Variants in ANKRD18B observed in about 807,000 individuals in gnomAD.
ANKRD18B encodes ankyrin repeat domain 18B.
In ANKRD18B, 75 loss-of-function variants were observed where a neutral mutation model predicts 111.8. The observed-to-expected ratio is 0.67, with a 90% confidence interval of 0.56 to 0.81. The LOEUF (loss-of-function observed/expected upper bound fraction) is 0.81, where lower values mean the gene tolerates loss of function less well. ANKRD18B is among the 40% of genes least tolerant of loss of function. ANKRD18B has a pLI of 0.00. For synonymous variants in ANKRD18B, 356 were observed against 417.3 expected (o/e 0.85, Z 1.79); for missense variants, 1,038 against 1,225.5 (o/e 0.85, Z 2.28).
At chr9:33,534,787 A>G (rs1268277669) in intron 5 of ANKRD18B, among the ~76,000 whole-genome samples, 5 of 151,850 alleles carry the variant, frequency 3.3e-5, no homozygotes, top group Admixed American at 6.6e-5. Flanking sequence ...TATGAGATAG[A>G]AATAATGTCA....
At chr9:33,564,153 T>C (rs1346084070) in intron 14 of ANKRD18B, among the ~76,000 whole-genome samples, 1 of 152,164 alleles carries the variant, frequency 6.6e-6, no homozygotes, top group African/African-American at 2.4e-5. Flanking sequence ...TGTAGAGATG[T>C]CTTTCTATGT....
At chr9:33,561,044 T>C (rs1433253719) in intron 14 of ANKRD18B, among the ~76,000 whole-genome samples, 1 of 152,194 alleles carries the variant, frequency 6.6e-6, no homozygotes, top group African/African-American at 2.4e-5. Context: ...TTTTGTGGAG[T>C]ATATACTTAT....
At chr9:33,551,565 G>A (rs1442848264) in intron 12 of ANKRD18B, among the ~76,000 whole-genome samples, 1 of 151,972 alleles carries the variant, frequency 6.6e-6, no homozygotes, top group Non-Finnish European at 1.5e-5. Flanking sequence ...TTTTATCCAT[G>A]TTGTAGCACA....
intron 9 of ANKRD18B, 124 bp from the exon 10 acceptor site, chr9:33,543,061 A>G: frequency 1.0e-6 from 1 of 964,860 alleles, no homozygotes; most frequent in South Asian, 1.6e-5. Flanking sequence ...ATTCCAGTAA[A>G]CATTAAGCTT....
intron 5 of ANKRD18B, among the ~76,000 whole-genome samples, chr9:33,536,062 C>T (rs1410004313): frequency 6.6e-6 from 1 of 151,890 alleles, no homozygotes; most frequent in Non-Finnish European, 1.5e-5. Context: ...AAAGGTGCAG[C>T]CTCTAACACA....
intron 3 of ANKRD18B, among the ~76,000 whole-genome samples, chr9:33,531,313 A>C (rs1828113164): frequency 6.6e-6 from 1 of 152,166 alleles, no homozygotes; most frequent in East Asian, 1.9e-4. Context: ...ACGATACTAG[A>C]CAGAGAAAAA....
At position 33,536,903 on chromosome 9, in the gene ANKRD18B, A is replaced by G. The variant is rs1828209590; in HGVS notation, c.766A>G (p.Lys256Glu). 2 of 1,499,188 alleles carry G rather than the reference A, an allele frequency of 1.3e-6. No homozygotes were observed. The highest frequency in any genetic ancestry group is 5.1e-5 in the East Asian group (2 of 38,956). The allele number at this position is 1,499,188 out of a possible 1,614,324, so 92.9% of individuals were successfully genotyped here. Residue 256 changes from lysine to glutamate, a missense_variant, in exon 6 of 19, where the codon AAA (lysine) becomes GAA (glutamate). This residue lies in a region of ANKRD18B where 93 missense variants were observed against 141.3 expected (regional missense o/e 0.66). Coordinates refer to ENST00000684830, the MANE Select transcript of ANKRD18B (RefSeq NM_001393611.1). Reference sequence around the variant, plus strand: ...CATCCAACAACAAATTTTGGAACATAAAAATAAGATGCTTAAAAATCATCT... The same window carrying G: ...CATCCAACAACAAATTTTGGAACATGAAAATAAGATGCTTAAAAATCATCT... ...RSIQQQILEHKNKMLKNHLRN... is the reference protein window; with the variant it reads ...RSIQQQILEHENKMLKNHLRN...
rs1283928884 is a variant in ANKRD18B at position 33,555,907 on chromosome 9, C to T, written c.2330+87C>T. 5.0e-6 allele frequency: 4 copies of T among 806,140 alleles called. No homozygotes were observed. The Admixed American group carries it at 1.7e-4, about 34-fold the overall frequency. The allele number at this position is 806,140 out of a possible 1,614,324, so 49.9% of individuals were successfully genotyped here. The stretch of plus-strand genomic sequence containing the variant: ...CTTGACTAAAACTTTGATACAAATT[C>T]ATTTTATGTCTTCATTTTCATAATT... On this transcript the variant is annotated intron_variant, in intron 13 of 18. Coordinates refer to ENST00000684830, the MANE Select transcript of ANKRD18B (RefSeq NM_001393611.1).
chr9:33,536,555 G>A (rs1828204898), intron 5 of ANKRD18B, among the ~76,000 whole-genome samples: 1 of 152,218 alleles, frequency 6.6e-6, no homozygotes, highest in Admixed American at 6.5e-5. Flanking sequence ...GAGGCTAAGA[G>A]AAGCAACTGA....
At chr9:33,542,835 G>A (rs530745663) in intron 9 of ANKRD18B, among the ~76,000 whole-genome samples, 1 of 152,202 alleles carries the variant, frequency 6.6e-6, no homozygotes, top group African/African-American at 2.4e-5. Flanking sequence ...AAAAGATACT[G>A]TTATGAAGCA....
At chr9:33,570,277 T>C (rs1828750291) in intron 17 of ANKRD18B, among the ~76,000 whole-genome samples, 1 of 152,086 alleles carries the variant, frequency 6.6e-6, no homozygotes, top group South Asian at 2.1e-4. Context: ...ATGGGAACAA[T>C]AGACACCAGG....
At chr9:33,573,090 TC>T (rs1168762978), downstream of ANKRD18B, 21 of 1,027,542 alleles carry the variant, frequency 2.0e-5, no homozygotes, top group Non-Finnish European at 2.5e-5. Flanking sequence ...TTTTGATTTG[TC>T]CCCATTACTC....
intron 12 of ANKRD18B, among the ~76,000 whole-genome samples, chr9:33,554,715 A>G (rs1327335933): frequency 6.6e-6 from 1 of 152,170 alleles, no homozygotes; most frequent in Non-Finnish European, 1.5e-5. Flanking sequence ...GGGTGTACAC[A>G]GGAGGATATC....
At chr9:33,571,223 A>ATT (rs3033567) in intron 17 of ANKRD18B, 23 bp from the exon 18 acceptor site, 263 of 805,634 alleles carry the variant, frequency 3.3e-4, no homozygotes, top group South Asian at 5.2e-4. Flanking sequence ...CATTATTATT[A>ATT]TTTTTTTTTT....
chr9:33,574,536 CCT>C (rs1463871307), downstream of ANKRD18B: 1 of 152,680 alleles, frequency 6.5e-6, no homozygotes, highest in Non-Finnish European at 1.5e-5. Context: ...GGGTGCCAGC[CCT>C]CTCTGCTCTG....
At chr9:33,551,403 A>T (rs1410558663) in intron 12 of ANKRD18B, among the ~76,000 whole-genome samples, 1 of 151,856 alleles carries the variant, frequency 6.6e-6, no homozygotes. Context: ...CTGCAACCCC[A>T]CTCCATGTCT....
chr9:33,524,726 G>C lies in ANKRD18B; in HGVS notation c.206+31G>C, dbSNP rs1474010678. The C allele has an allele frequency of 2.0e-6, 3 of 1,535,688 alleles. No homozygotes were observed. The African/African-American group carries it at 4.1e-5, about 21-fold the overall frequency. ...GGGGGCTCAGCCCTCGGTGGGAGGG[G>C]GCCCCCAGGCCCGGTTTCCCCGCAC... On this transcript the variant is annotated intron_variant, in intron 1 of 18. Transcript: ENST00000684830.
Position 33,548,411 on chromosome 9 carries a change from G to A in ANKRD18B, c.1623G>A (p.Glu541=), listed in dbSNP as rs1331203055. 5.8e-6 allele frequency: 9 copies of A among 1,551,110 alleles called. No individual in the cohort carries two copies. Among genetic ancestry groups the A allele is most frequent in the Non-Finnish European group, 7.0e-6 (8 of 1,146,614 alleles). Residue 541 remains glutamate, a synonymous_variant, in exon 11 of 19, where the codon GAG becomes GAA. Transcript: ENST00000684830. ...TTTCTCAACTAACAGATAAGAATGA[G>A]TTGCTTACTGAACAGGTCCATAAAG... ...SNISQLTDKN[E]LLTEQVHKAR...
Position 33,548,139 on chromosome 9 carries a change from A to G in ANKRD18B, c.1351A>G (p.Ile451Val), listed in dbSNP as rs1465837741. The change falls in exon 11 of 19, where the codon ATA becomes GTA. Residue 451 changes from isoleucine (I) to valine (V), a missense_variant. Ile to Val is a conservative substitution (Grantham distance 29). Transcript: ENST00000684830. ...EKSVRLNEEM[I>V]TKKVAQYSQQ... ...GAGTGTAAGACTCAATGAAGAAATG[A>G]TAACAAAAAAAGTGGCCCAGTATTC... The G allele has an allele frequency of 3.3e-6, 5 of 1,534,730 alleles. No individual in the cohort carries two copies. Among genetic ancestry groups the G allele is most frequent in the Non-Finnish European group, 4.4e-6 (5 of 1,141,266 alleles).
Sources: gnomAD v4.1 joint callset for allele counts (sites outside exome capture counted in the v4.1 genomes callset) on GRCh38, gnomAD v4.1.1 for gene constraint, gnomAD v4.1.1 regional missense constraint, MANE v1.5 for transcripts, NCBI Gene and HGNC (gene_info 2026-07-23, HGNC 2026-07-21) for gene names.